ADAP1: variants seen among roughly 807,000 people sequenced by gnomAD.
ADAP1 encodes arf-GAP with dual PH domain-containing protein 1.
In ADAP1, 31 loss-of-function variants were observed where a neutral mutation model predicts 54.9. The ratio of observed to expected loss-of-function variants is 0.56; its 90% CI spans 0.42 to 0.76. The LOEUF is 0.76. Ranked by LOEUF, ADAP1 falls within the 30% of genes least tolerant of loss-of-function variation. ADAP1 has a pLI of 0.00. For missense variants in ADAP1, 535 were observed against 512.4 expected (o/e 1.04, Z -0.42); for synonymous variants, 313 against 202.6 (o/e 1.55, Z -4.63).
chr7:903,311 G>C (rs1244924821), intron 6 of ADAP1, among the ~76,000 whole-genome samples: 2 of 151,858 alleles, frequency 1.3e-5, no homozygotes, highest in Admixed American at 6.5e-5. Flanking sequence ...ACGTGGGAGG[G>C]GATGGAAAGA....
At chr7:910,615 G>A (rs994545490) in intron 4 of ADAP1, among the ~76,000 whole-genome samples, 1 of 152,222 alleles carries the variant, frequency 6.6e-6, no homozygotes, top group African/African-American at 2.4e-5. Context: ...CAAAGTAGAT[G>A]TAAATCACAC....
Position 953,732 on chromosome 7 carries a change from C to T in ADAP1, c.82+664G>A, listed in dbSNP as rs904643813. Among the ~76,000 whole-genome samples the T allele has an allele frequency of 1.7e-4, 26 of 152,358 alleles. No individual in the cohort carries two copies. The Middle Eastern group carries it at 0.014, about 80-fold the overall frequency. On this transcript the variant is annotated intron_variant, in intron 1 of 10. Coordinates refer to ENST00000265846, the MANE Select transcript of ADAP1 (RefSeq NM_006869.4). ...AAGGGAGGGACTCCGCGCCTTTGGA[C>T]TCCAGTGCCTTGAAATCCCACAGAC...
chr7:906,786 G>GAC (rs1845466708), intron 4 of ADAP1, among the ~76,000 whole-genome samples: 2 of 41,338 alleles, frequency 4.8e-5, no homozygotes, highest in African/African-American at 1.1e-4. Context: ...AGGGGACACG[G>GAC]GGGACGGGAC....
chr7:950,472 T>C (rs1847239642), intron 1 of ADAP1, among the ~76,000 whole-genome samples: 1 of 122,902 alleles, frequency 8.1e-6, no homozygotes, highest in African/African-American at 3.3e-5. Context: ...GGCGACAGAA[T>C]GAGACTCTGC....
At chr7:904,996 C>T (rs2128094704) in intron 5 of ADAP1, 64 bp downstream of exon 5, 2 of 1,425,906 alleles carry the variant, frequency 1.4e-6, no homozygotes, top group Non-Finnish European at 9.8e-7. Context: ...CCACAGGCCC[C>T]AGTGTGGGAG....
chr7:949,019 C>G (rs1417557400), intron 1 of ADAP1, among the ~76,000 whole-genome samples: 1 of 152,178 alleles, frequency 6.6e-6, no homozygotes, highest in Non-Finnish European at 1.5e-5. Flanking sequence ...TTACTCTACC[C>G]TCGGCCCTCC....
At chr7:907,892 C>CGGGGCCGTCTGCCGA (rs1250627843) in intron 4 of ADAP1, among the ~76,000 whole-genome samples, 1 of 151,574 alleles carries the variant, frequency 6.6e-6, no homozygotes, top group Non-Finnish European at 1.5e-5. Flanking sequence ...CCGGAGGTCG[C>CGGGGCCGTCTGCCGA]GGGGCCGTCT....
intron 1 of ADAP1, among the ~76,000 whole-genome samples, chr7:951,239 G>A (rs1847262152): frequency 2.0e-5 from 3 of 152,072 alleles, no homozygotes; most frequent in Admixed American, 1.3e-4. Flanking sequence ...CGGGCGTGGT[G>A]GCGGGTGCCT....
chr7:928,120 C>T (rs1426377245), intron 2 of ADAP1, among the ~76,000 whole-genome samples: 2 of 151,562 alleles, frequency 1.3e-5, no homozygotes, highest in African/African-American at 4.8e-5. Flanking sequence ...CTAGGGAGGC[C>T]GAGGTGGGAA....
chr7:907,238 C>A (rs183014834), intron 4 of ADAP1, among the ~76,000 whole-genome samples: 111 of 152,280 alleles, frequency 7.3e-4, no homozygotes, highest in African/African-American at 2.6e-3. Flanking sequence ...CTGGACACGC[C>A]ACCTTCTATG....
chr7:933,131 C>A (rs570607188), intron 2 of ADAP1, among the ~76,000 whole-genome samples: 3 of 151,874 alleles, frequency 2.0e-5, no homozygotes, highest in Non-Finnish European at 4.4e-5. Context: ...ATTAGCCGGG[C>A]GTGGTGGCGT....
At chr7:919,913 GGAGA>G (rs1245257685) in intron 4 of ADAP1, 51 bp downstream of exon 4, 2 of 1,423,906 alleles carry the variant, frequency 1.4e-6, no homozygotes, top group Non-Finnish European at 1.9e-6. Context: ...GGGGAGGGAG[GGAGA>G]GAGCCAGGGA....
At chr7:934,391 G>C (rs945279098) in intron 2 of ADAP1, among the ~76,000 whole-genome samples, 2 of 79,550 alleles carry the variant, frequency 2.5e-5, no homozygotes, top group African/African-American at 4.2e-5. Flanking sequence ...GTGTTGGAGA[G>C]GGGGGGCCCA....
chr7:949,454 T>A (rs949942502), intron 1 of ADAP1, among the ~76,000 whole-genome samples: 7 of 152,256 alleles, frequency 4.6e-5, no homozygotes, highest in Non-Finnish European at 8.8e-5. Flanking sequence ...GGCAAATGCC[T>A]CTGAGTCTAA....
intron 4 of ADAP1, among the ~76,000 whole-genome samples, chr7:907,132 A>T (rs1218271450): frequency 6.6e-6 from 1 of 152,020 alleles, no homozygotes; most frequent in East Asian, 1.9e-4. Flanking sequence ...ATCTGAGGGG[A>T]GTCCAGCTCA....
intron 6 of ADAP1, among the ~76,000 whole-genome samples, chr7:903,360 G>C (rs1350744692): frequency 6.6e-6 from 1 of 152,150 alleles, no homozygotes; most frequent in East Asian, 1.9e-4. Context: ...TTGTCAGATG[G>C]TGCCTAAAGT....
chr7:906,796 CAGGGGACATGGGGGGACAT>C (rs1845471043), intron 4 of ADAP1, among the ~76,000 whole-genome samples: 2 of 34,238 alleles, frequency 5.8e-5, no homozygotes, highest in East Asian at 2.2e-3. Context: ...GGGGACGGGA[CAGGGGACATGGGGGGACAT>C]GGGTCAGATG....
At position 920,062 on chromosome 7, in the gene ADAP1, G is replaced by A. The variant is rs761072467; in HGVS notation, c.306-12C>T. On this transcript the variant is annotated splice_polypyrimidine_tract_variant and intron_variant, in intron 3 of 10. Coordinates refer to ENST00000265846, the MANE Select transcript of ADAP1 (RefSeq NM_006869.4). The surrounding 1 kb of genome is among the most constrained non-coding windows in gnomAD (Gnocchi z 4.5). ...GCTCTCGAAGGAGCCTGTGGGGAGA[G>A]GAGAGACTGAGCCACTGGGCCAAGG... 1.9e-6 allele frequency: 3 copies of A among 1,603,864 alleles called. No homozygotes were observed. Among genetic ancestry groups the A allele is most frequent in the Admixed American group, 1.7e-5 (1 of 59,866 alleles).
At chr7:932,161 C>T (rs1263343264) in intron 2 of ADAP1, among the ~76,000 whole-genome samples, 1 of 152,176 alleles carries the variant, frequency 6.6e-6, no homozygotes, top group East Asian at 1.9e-4. Flanking sequence ...GATGGAATCT[C>T]CTTGTGGCCC....
Sources: gnomAD v4.1 joint callset for allele counts (sites outside exome capture counted in the v4.1 genomes callset) on GRCh38, gnomAD v4.1.1 for gene constraint, Gnocchi (gnomAD v3.1) non-coding constraint, MANE v1.5 for transcripts, NCBI Gene and HGNC (gene_info 2026-07-23, HGNC 2026-07-21) for gene names.